The following KIT variants were observed in gnomAD, a reference collection of about 807,000 sequenced individuals.
The protein encoded by KIT is KIT proto-oncogene, receptor tyrosine kinase, also known as mast/stem cell growth factor receptor Kit.
Under a neutral mutation model 105.7 loss-of-function variants are expected in KIT, and 16 were observed. The observed-to-expected ratio is 0.15, with a 90% CI of 0.10 to 0.23. The LOEUF (loss-of-function observed/expected upper bound fraction) is 0.23. Ranked by LOEUF, KIT falls within the 10% of genes least tolerant of loss-of-function variation. The probability of loss-of-function intolerance (pLI) is 1.00; values close to 1 mark genes in which losing one functional copy is unlikely to be tolerated. For missense variants in KIT, 858 were observed against 1,213.8 expected, an observed-to-expected ratio of 0.71 and a Z score of 4.36; for synonymous variants, 438 against 441.1, an observed-to-expected ratio of 0.99 and a Z score of 0.09.
At chr4:54,665,878 G>T (rs575986893) in intron 1 of KIT, among the ~76,000 whole-genome samples, 1 of 152,252 alleles carries the variant, frequency 6.6e-6, no homozygotes, top group Non-Finnish European at 1.5e-5. Context: ...TAATATTACG[G>T]TAGCATTGGG....
Position 54,739,066 on chromosome 4 carries a change from G to A in KIT, c.*509G>A, listed in dbSNP as rs1171985538. On this transcript the variant is annotated 3_prime_UTR_variant, in exon 21 of 21. Coordinates refer to ENST00000288135, the MANE Select transcript of KIT (RefSeq NM_000222.3). ...TAAGAAATCTAGTATTTCATGCTGG[G>A]AATGAGACATAGGCCATGAAAAAAA... 2 of 421,922 alleles carry A rather than the reference G, an allele frequency of 4.7e-6. No homozygotes were observed. The highest frequency in any genetic ancestry group is 4.1e-5 in the African/African-American group (2 of 49,194). 26.1% of individuals were successfully genotyped at this position (421,922 alleles called of 1,614,324 possible).
chr4:54,667,727 G>T (rs1261870878), intron 1 of KIT, among the ~76,000 whole-genome samples: 2 of 149,240 alleles, frequency 1.3e-5, no homozygotes, highest in African/African-American at 4.8e-5. Flanking sequence ...TTCCTGCAGT[G>T]CTATATGTGA....
rs1268420042 is a variant in KIT, at chr4:54,698,521, G to A, written c.575G>A (p.Gly192Asp). The A allele has an allele frequency of 5.0e-6, 8 of 1,614,206 alleles. No individual in the cohort carries two copies. Among genetic ancestry groups the A allele is most frequent in the Non-Finnish European group, 5.9e-6 (7 of 1,180,040 alleles). ...LCLHCSVDQE[G>D]KSVLSEKFIL... Reference sequence around the variant, plus strand: ...CTGCATTGTTCTGTGGACCAGGAGGGCAAGTCAGTGCTGTCGGAAAAATTC... The same window carrying A: ...CTGCATTGTTCTGTGGACCAGGAGGACAAGTCAGTGCTGTCGGAAAAATTC... Residue 192 changes from glycine (G) to aspartate (D), a missense_variant, in exon 3 of 21, where the codon GGC (glycine) becomes GAC (aspartate). Coordinates refer to ENST00000288135, the MANE Select transcript of KIT (RefSeq NM_000222.3).
intron 1 of KIT, among the ~76,000 whole-genome samples, chr4:54,678,151 CG>C (rs1468230974): frequency 4.6e-5 from 7 of 152,076 alleles, no homozygotes; most frequent in Admixed American, 4.6e-4. Flanking sequence ...GTCAGAATAC[CG>C]TAGCTACCAT....
At chr4:54,732,047 T>C in intron 16 of KIT, 49 bp downstream of exon 16, 1 of 513,680 alleles carries the variant, frequency 1.9e-6, no homozygotes. Flanking sequence ...TTTTTTTGAT[T>C]TTTTTTTTTT....
chr4:54,731,285 A>C, intron 14 of KIT, 43 bp from the exon 15 acceptor site: 1 of 1,387,290 alleles, frequency 7.2e-7, no homozygotes, highest in Non-Finnish European at 1.0e-6. Flanking sequence ...GCCCTTCTAC[A>C]TGTCCCACTT....
At chr4:54,665,174 G>A (rs1364781486) in intron 1 of KIT, among the ~76,000 whole-genome samples, 2 of 151,994 alleles carry the variant, frequency 1.3e-5, no homozygotes, top group African/African-American at 2.4e-5. Flanking sequence ...TTCACATACC[G>A]TAACATCCTC....
chr4:54,726,187 A>G (rs1255867473), intron 9 of KIT, 137 bp downstream of exon 9: 3 of 735,656 alleles, frequency 4.1e-6, no homozygotes, highest in Non-Finnish European at 7.1e-6. Flanking sequence ...CATCAAACTC[A>G]CTAAGTTTCA....
chr4:54,731,316 C>T lies in KIT; in HGVS notation c.2142-12C>T, dbSNP rs1303823864. The T allele has an allele frequency of 6.3e-7, 1 of 1,599,534 alleles. No individual in the cohort carries two copies. The highest frequency in any genetic ancestry group is 1.3e-5 in the African/African-American group (1 of 74,702). On this transcript the variant is annotated splice_polypyrimidine_tract_variant and intron_variant, in intron 14 of 20. Coordinates refer to ENST00000288135, the MANE Select transcript of KIT (RefSeq NM_000222.3). ...CACTTGATTCAGTCATGACTTGTTT[C>T]ATCTCTCCCAGCAGCGATAGTACTA... is the stretch of plus-strand genomic sequence containing the variant.
chr4:54,672,897 A>C (rs1024070137), intron 1 of KIT, among the ~76,000 whole-genome samples: 27 of 152,332 alleles, frequency 1.8e-4, no homozygotes, highest in Admixed American at 1.3e-3. Flanking sequence ...TAGTCTGTAT[A>C]TTTAAAGGTC....
chr4:54,715,561 G>C (rs1047440616), intron 7 of KIT, among the ~76,000 whole-genome samples: 2 of 151,964 alleles, frequency 1.3e-5, no homozygotes, highest in African/African-American at 2.4e-5. Context: ...AGGAGAAGAA[G>C]GGTGCCAGGT....
rs2109819852 is a variant in KIT, at chr4:54,738,567, G to A, written c.*10G>A. ...GCACGACGATGTCTGAGCAGAATCA[G>A]TGTTTGGGTCACCCCTCCAGGAATG... On this transcript the variant is annotated 3_prime_UTR_variant, in exon 21 of 21. Coordinates refer to ENST00000288135, the MANE Select transcript of KIT (RefSeq NM_000222.3). 6.2e-7 allele frequency: 1 copy of A among 1,613,756 alleles called. No individual in the cohort carries two copies. Among genetic ancestry groups the A allele is most frequent in the Non-Finnish European group, 8.5e-7 (1 of 1,180,004 alleles).
At chr4:54,737,586 G>A (rs1722999662) in intron 20 of KIT, among the ~76,000 whole-genome samples, 1 of 152,160 alleles carries the variant, frequency 6.6e-6, no homozygotes, top group Admixed American at 6.6e-5. Flanking sequence ...GCTGGTCACG[G>A]GGTCAGTATT....
intron 1 of KIT, among the ~76,000 whole-genome samples, chr4:54,684,394 C>T (rs1719166472): frequency 6.6e-6 from 1 of 152,176 alleles, no homozygotes. Flanking sequence ...GGCTTGAGCC[C>T]AAAATGGGCT....
At chr4:54,723,558 A>G (rs775694355) in intron 7 of KIT, 26 bp from the exon 8 acceptor site, 21 of 1,470,590 alleles carry the variant, frequency 1.4e-5, no homozygotes, top group African/African-American at 1.4e-5. Flanking sequence ...GCACTCTGAC[A>G]TATGGCCATT....
chr4:54,658,801 C>T (rs188778877), intron 1 of KIT, among the ~76,000 whole-genome samples: 89 of 152,304 alleles, frequency 5.8e-4, no homozygotes, highest in African/African-American at 2.1e-3. Context: ...ACAACTTGGG[C>T]AGGGCGTGTG....
intron 1 of KIT, among the ~76,000 whole-genome samples, chr4:54,687,602 A>G (rs1464587185): frequency 6.6e-6 from 1 of 151,896 alleles, no homozygotes; most frequent in African/African-American, 2.4e-5. Flanking sequence ...CAGGTGGTAT[A>G]TTCCTGGCAC....
At chr4:54,661,174 G>A (rs899466312) in intron 1 of KIT, among the ~76,000 whole-genome samples, 1 of 152,128 alleles carries the variant, frequency 6.6e-6, no homozygotes, top group Non-Finnish European at 1.5e-5. Context: ...TTGTGCATAG[G>A]TGTGAAAGAG....
chr4:54,716,323 C>G (rs923675160), intron 7 of KIT, among the ~76,000 whole-genome samples: 2 of 152,164 alleles, frequency 1.3e-5, no homozygotes. Flanking sequence ...TTTGTGTGAA[C>G]ATTTGTATGC....
Sources: allele counts gnomAD v4.1 joint callset (sites outside exome capture counted in the v4.1 genomes callset), GRCh38; gene constraint gnomAD v4.1.1; transcripts MANE v1.5; gene names NCBI Gene and HGNC (gene_info 2026-07-23, HGNC 2026-07-21).